SLC16A10: variants seen among roughly 807,000 people sequenced by gnomAD.
The protein encoded by SLC16A10 is monocarboxylate transporter 10.
A neutral mutation model predicts 40.0 loss-of-function variants in SLC16A10; 27 were observed. That is an observed-to-expected ratio of 0.67 (90% CI 0.50 to 0.93). The LOEUF (loss-of-function observed/expected upper bound fraction) is 0.93. Among genes scored for constraint, SLC16A10 ranks in the 40% least tolerant of loss-of-function variants. SLC16A10 has a pLI of 0.00. For synonymous variants in SLC16A10, 213 were observed against 249.8 expected, an observed-to-expected ratio of 0.85 and a Z score of 1.39; for missense variants, 529 against 658.2, an observed-to-expected ratio of 0.80 and a Z score of 2.15.
intron 1 of SLC16A10, among the ~76,000 whole-genome samples, chr6:111,104,272 A>G (rs1039080439): frequency 2.0e-5 from 3 of 152,210 alleles, no homozygotes; most frequent in African/African-American, 7.2e-5. Context: ...GAGGCAAGAA[A>G]TAGGAGGAAC....
chr6:111,189,950 C>T (rs1275059994), intron 3 of SLC16A10, among the ~76,000 whole-genome samples: 3 of 152,170 alleles, frequency 2.0e-5, no homozygotes. Flanking sequence ...ATTATGCCTT[C>T]CTAATAGTCC....
At chr6:111,206,488 A>C (rs1272559341) in intron 3 of SLC16A10, 104 bp from the exon 4 acceptor site, 3 of 1,218,630 alleles carry the variant, frequency 2.5e-6, no homozygotes, top group Non-Finnish European at 3.5e-6. Flanking sequence ...AAAAAGTTGC[A>C]AGCCCATAAC....
chr6:111,132,298 G>A (rs922185194), intron 1 of SLC16A10, among the ~76,000 whole-genome samples: 1 of 152,192 alleles, frequency 6.6e-6, no homozygotes, highest in African/African-American at 2.4e-5. Context: ...AAAATAGTGT[G>A]CCCTATTCCT....
intron 1 of SLC16A10, among the ~76,000 whole-genome samples, chr6:111,104,706 G>A (rs979932823): frequency 7.9e-5 from 12 of 152,114 alleles, no homozygotes; most frequent in Non-Finnish European, 1.5e-4. Context: ...TGAGTCCAGT[G>A]GTGGGGCTTT....
At chr6:111,211,018 G>A (rs778696610) in intron 4 of SLC16A10, among the ~76,000 whole-genome samples, 39 of 113,550 alleles carry the variant, frequency 3.4e-4, no homozygotes, top group Non-Finnish European at 7.0e-4. Flanking sequence ...GTGAGACTCC[G>A]TCTCAAAAAA....
intron 1 of SLC16A10, among the ~76,000 whole-genome samples, chr6:111,118,267 TA>T (rs1328096198): frequency 1.3e-5 from 2 of 152,124 alleles, no homozygotes. Context: ...AATTATAACA[TA>T]AAAAAATGAA....
chr6:111,202,751 G>T (rs1583360095), intron 3 of SLC16A10, among the ~76,000 whole-genome samples: 1 of 151,890 alleles, frequency 6.6e-6, no homozygotes. Flanking sequence ...GCCGGGCGTG[G>T]TGGCGGGCAC....
chr6:111,099,566 T>C (rs1419503623), intron 1 of SLC16A10, among the ~76,000 whole-genome samples: 1 of 152,096 alleles, frequency 6.6e-6, no homozygotes, highest in Non-Finnish European at 1.5e-5. Flanking sequence ...CCTCCTGCCT[T>C]GGCCTCCCAG....
intron 1 of SLC16A10, among the ~76,000 whole-genome samples, chr6:111,106,694 T>G (rs1771289919): frequency 1.3e-5 from 2 of 152,254 alleles, no homozygotes; most frequent in Admixed American, 6.5e-5. Context: ...CTGTCAAAAC[T>G]GATCAGCTTT....
At position 111,217,679 on chromosome 6, in the gene SLC16A10, C is replaced by T. The variant is rs374904259; in HGVS notation, c.1087-1135C>T. Among the ~76,000 whole-genome samples, 12 of 152,054 alleles carry T rather than the reference C, an allele frequency of 7.9e-5. No individual in the cohort carries two copies. The South Asian group carries it at 1.5e-3, about 18-fold the overall frequency. On this transcript the variant is annotated intron_variant, in intron 4 of 5. Coordinates refer to ENST00000368851, the MANE Select transcript of SLC16A10 (RefSeq NM_018593.5). ...GTTAGCCAGGATGGTCTCGATCTCCCGACCTCATGATCTGCCCACCTCGGC... is the reference window on the plus strand; with the variant it reads ...GTTAGCCAGGATGGTCTCGATCTCCTGACCTCATGATCTGCCCACCTCGGC...
intron 1 of SLC16A10, among the ~76,000 whole-genome samples, chr6:111,120,897 A>G (rs1260878342): frequency 6.6e-6 from 1 of 152,244 alleles, no homozygotes; most frequent in Admixed American, 6.5e-5. Context: ...TACTAACGGT[A>G]TAAACTGAAT....
chr6:111,193,710 A>ATT (rs1386004408), intron 3 of SLC16A10, among the ~76,000 whole-genome samples: 1 of 152,228 alleles, frequency 6.6e-6, no homozygotes, highest in African/African-American at 2.4e-5. Flanking sequence ...TTCATGGATT[A>ATT]CTCAGGGGTG....
intron 3 of SLC16A10, among the ~76,000 whole-genome samples, chr6:111,205,427 C>G (rs1456117015): frequency 2.0e-5 from 3 of 152,130 alleles, no homozygotes; most frequent in Admixed American, 2.0e-4. Context: ...CACTGGCTAT[C>G]TATGGCCCAC....
chr6:111,123,287 A>G (rs1771616797), intron 1 of SLC16A10, among the ~76,000 whole-genome samples: 2 of 152,184 alleles, frequency 1.3e-5, no homozygotes, highest in South Asian at 4.1e-4. Flanking sequence ...TGATAATCCC[A>G]GTGTATAGGC....
rs138274931 is a variant in SLC16A10, at chr6:111,227,969, A to G, written c.*5734A>G. On this transcript the variant is annotated 3_prime_UTR_variant, in exon 6 of 6. Coordinates refer to ENST00000368851, the MANE Select transcript of SLC16A10 (RefSeq NM_018593.5). ...GGGTGCAAATTGTTAGTGGGGTCAAAATATCAGTAAAATTTCTTAAGTGCT... is the reference window on the plus strand; with the variant it reads ...GGGTGCAAATTGTTAGTGGGGTCAAGATATCAGTAAAATTTCTTAAGTGCT... 3 of 152,314 alleles carry G rather than the reference A, an allele frequency of 2.0e-5. No homozygotes were observed. In the East Asian group the frequency reaches 5.8e-4, roughly 29 times the overall value. The allele number at this position is 152,314 out of a possible 1,614,324, so 9.4% of individuals were successfully genotyped here. A position where few individuals can be genotyped will look rare whatever the true frequency, so the allele number is the denominator to read the frequency against.
At chr6:111,092,728 C>T (rs1057381871) in intron 1 of SLC16A10, among the ~76,000 whole-genome samples, 1 of 151,882 alleles carries the variant, frequency 6.6e-6, no homozygotes, top group African/African-American at 2.4e-5. Context: ...TTAAGTGGAA[C>T]ATTGTTTTTC....
chr6:111,198,260 TG>T (rs34832375), intron 3 of SLC16A10, among the ~76,000 whole-genome samples: 147 of 152,304 alleles, frequency 9.7e-4, no homozygotes, highest in Non-Finnish European at 1.6e-3. Context: ...CACTCCAGTC[TG>T]GGCAACCGAG....
chr6:111,204,234 A>G (rs1773219181), intron 3 of SLC16A10, among the ~76,000 whole-genome samples: 1 of 152,182 alleles, frequency 6.6e-6, no homozygotes, highest in African/African-American at 2.4e-5. Flanking sequence ...ATCAGGATTC[A>G]GTGGTGACTC....
intron 4 of SLC16A10, 46 bp from the exon 5 acceptor site, chr6:111,218,768 C>T (rs1455135047): frequency 6.6e-7 from 1 of 1,506,166 alleles, no homozygotes; most frequent in South Asian, 1.1e-5. Flanking sequence ...GTAATTGTGA[C>T]ATTTGCTTCC....
Sources: allele counts gnomAD v4.1 joint callset (sites outside exome capture counted in the v4.1 genomes callset), GRCh38; gene constraint gnomAD v4.1.1; transcripts MANE v1.5; gene names NCBI Gene and HGNC (gene_info 2026-07-23, HGNC 2026-07-21).